Variants in DCAF6 observed in about 807,000 individuals in gnomAD.
DCAF6 encodes DDB1 and CUL4 associated factor 6.
DCAF6 carries 54 observed loss-of-function variants against 125.1 expected under a neutral mutation model. The ratio of observed to expected loss-of-function variants is 0.43; its 90% CI spans 0.35 to 0.54. The LOEUF (loss-of-function observed/expected upper bound fraction) is 0.54. Among genes scored for constraint, DCAF6 ranks in the 20% least tolerant of loss-of-function variants. The pLI, the probability that DCAF6 is intolerant of heterozygous loss-of-function variation, is 0.01. For missense variants in DCAF6, 934 were observed against 1,161.7 expected, an observed-to-expected ratio of 0.80 and a Z score of 2.85; for synonymous variants, 371 against 390.4, an observed-to-expected ratio of 0.95 and a Z score of 0.58.
intron 4 of DCAF6, among the ~76,000 whole-genome samples, chr1:167,986,174 C>T (rs2102977817): frequency 6.6e-6 from 1 of 152,282 alleles, no homozygotes; most frequent in South Asian, 2.1e-4. Context: ...CTGCTGTGAA[C>T]ATTCTAGTGC....
In DCAF6 at chr1:168,065,697, A is replaced by G; in HGVS notation, c.2547A>G (p.Glu849=). Residue 849 remains glutamate (E), a synonymous_variant, in exon 19 of 22, where the codon GAA becomes GAG. Transcript: ENST00000367840. ...RHTAEHLMLL[E]ADNHVVNCLQ... ...CTGCTGAGCATTTGATGCTTCTGGA[A>G]GCTGATAATCATGTGGTAAACTGCC... The G allele has an allele frequency of 3.1e-6, 5 of 1,613,166 alleles. No homozygotes were observed. The highest frequency in any genetic ancestry group is 4.2e-6 in the Non-Finnish European group (5 of 1,179,438).
intron 11 of DCAF6, among the ~76,000 whole-genome samples, chr1:168,018,931 TTAGA>T (rs1685320357): frequency 6.6e-6 from 1 of 152,198 alleles, no homozygotes; most frequent in Admixed American, 6.5e-5. Flanking sequence ...ATTGATTTAT[TTAGA>T]TAGTGTAGCT....
chr1:168,070,473 TTCCTAGGAAGTC>T (rs1418235962), intron 21 of DCAF6, among the ~76,000 whole-genome samples: 4 of 151,984 alleles, frequency 2.6e-5, no homozygotes, highest in Non-Finnish European at 5.9e-5. Context: ...TCCAGAAGGC[TTCCTAGGAAGTC>T]CAGGGAATAG....
chr1:168,035,068 C>T (rs886677684), intron 12 of DCAF6, among the ~76,000 whole-genome samples: 1 of 152,014 alleles, frequency 6.6e-6, no homozygotes, highest in South Asian at 2.1e-4. Flanking sequence ...TTGTATATGA[C>T]CAAGCAAACT....
chr1:168,036,877 C>T (rs903213461), intron 12 of DCAF6, among the ~76,000 whole-genome samples: 2 of 152,050 alleles, frequency 1.3e-5, no homozygotes, highest in African/African-American at 4.8e-5. Flanking sequence ...AGTGACTTTA[C>T]CATTTGGGAT....
intron 12 of DCAF6, among the ~76,000 whole-genome samples, chr1:168,029,966 C>T (rs1391714088): frequency 7.0e-6 from 1 of 143,258 alleles, no homozygotes; most frequent in East Asian, 2.0e-4. Flanking sequence ...GGTGACAGAG[C>T]AAGACTCCGT....
chr1:167,896,641 T>C, the DCAF6 span: 1 of 1,613,654 alleles, frequency 6.2e-7, no homozygotes, highest in Non-Finnish European at 8.5e-7. Context: ...TCGTACACTT[T>C]GTGAAAAATT....
At chr1:168,051,004 A>AC in intron 17 of DCAF6, 71 bp downstream of exon 17, 3 of 735,840 alleles carry the variant, frequency 4.1e-6, no homozygotes, top group South Asian at 6.4e-5. Flanking sequence ...GCCACAGCTA[A>AC]CCACCTTTCC....
the DCAF6 span, among the ~76,000 whole-genome samples, chr1:167,891,326 C>A: frequency 2.0e-5 from 3 of 151,884 alleles, no homozygotes; most frequent in African/African-American, 7.3e-5. Context: ...ATTTAGTTCC[C>A]CTCTTCTCTC....
Position 167,993,573 on chromosome 1 carries a change from A to T in DCAF6, c.903+133A>T, listed in dbSNP as rs138475087. ...GCAACCAGCCTGACCAACATGGAGA[A>T]ACCCCGTCTTTACTAAAAACACAAA... On this transcript the variant is annotated intron_variant, in intron 7 of 21. Transcript: ENST00000367840. The T allele has an allele frequency of 3.7e-3, 2,463 of 658,536 alleles. 8 individuals carry two copies. The highest frequency in any genetic ancestry group is 4.7e-3 in the Non-Finnish European group (1,795 of 384,412). 40.8% of individuals were successfully genotyped at this position (658,536 alleles called of 1,614,324 possible).
chr1:167,939,653 C>T (rs1671925854), intron 1 of DCAF6, among the ~76,000 whole-genome samples: 1 of 152,060 alleles, frequency 6.6e-6, no homozygotes. Flanking sequence ...GTCTCAGCTC[C>T]TTGGGAGGCT....
chr1:168,004,851 C>T (rs1683126735), intron 10 of DCAF6, 58 bp downstream of exon 10: 1 of 1,558,818 alleles, frequency 6.4e-7, no homozygotes, highest in Non-Finnish European at 8.7e-7. Flanking sequence ...AATTTCTTTA[C>T]TGGCTATTTT....
chr1:167,881,472 T>G, the DCAF6 span, among the ~76,000 whole-genome samples: 1 of 152,188 alleles, frequency 6.6e-6, no homozygotes, highest in South Asian at 2.1e-4. Flanking sequence ...GGGATCTGCC[T>G]TGACATGAAG....
intron 13 of DCAF6, among the ~76,000 whole-genome samples, chr1:168,042,086 T>TA (rs890320955): frequency 6.6e-6 from 1 of 151,994 alleles, no homozygotes; most frequent in Non-Finnish European, 1.5e-5. Flanking sequence ...CTCTTTTTTT[T>TA]AAAAAGTCAA....
the DCAF6 span, chr1:167,904,832 C>G: frequency 1.9e-4 from 169 of 901,250 alleles, 1 homozygote; most frequent in South Asian, 2.4e-3. Flanking sequence ...GCCAGGGCCA[C>G]AAGCTATTTC....
chr1:168,054,758 C>G (rs752339473), intron 17 of DCAF6, among the ~76,000 whole-genome samples: 8 of 151,548 alleles, frequency 5.3e-5, no homozygotes, highest in Non-Finnish European at 1.0e-4. Context: ...TTTCTAAGAA[C>G]TACTAAGCTA....
rs188682339 is a variant in DCAF6 at position 167,993,412 on chromosome 1, C to G, written c.875C>G (p.Thr292Ser). 7.4e-6 allele frequency: 12 copies of G among 1,613,838 alleles called. No individual in the cohort carries two copies. The East Asian group carries it at 2.5e-4, about 33-fold the overall frequency. ...GATGATACAGCACGAGAACTTAAAA[C>G]TCCTTCTGCGGAAGAGAGAAGAGAA... ...PKDDTARELK[T>S]PSAEERREEL... The change falls in exon 7 of 22, where the codon ACT (threonine) becomes AGT (serine). Residue 292 changes from threonine to serine, a missense_variant. Transcript: ENST00000367840.
At chr1:167,896,028 T>A in the DCAF6 span, among the ~76,000 whole-genome samples, 1 of 152,176 alleles carries the variant, frequency 6.6e-6, no homozygotes, top group Non-Finnish European at 1.5e-5. Flanking sequence ...TAAGCTATGG[T>A]CAACCATCTA....
the DCAF6 span, among the ~76,000 whole-genome samples, chr1:167,912,124 A>G: frequency 6.6e-6 from 1 of 152,234 alleles, no homozygotes; most frequent in African/African-American, 2.4e-5. Context: ...TTCTACAGGC[A>G]CATACCACAT....
Sources: allele counts gnomAD v4.1 joint callset (sites outside exome capture counted in the v4.1 genomes callset), GRCh38; gene constraint gnomAD v4.1.1; transcripts MANE v1.5; gene names NCBI Gene and HGNC (gene_info 2026-07-23, HGNC 2026-07-21).